Variants in NACA observed in about 807,000 individuals in gnomAD.
The protein encoded by NACA is nascent polypeptide associated complex subunit alpha.
A neutral mutation model predicts 86.4 loss-of-function variants in NACA; 42 were observed. The ratio of observed to expected loss-of-function variants is 0.49; its 90% confidence interval spans 0.38 to 0.63. The LOEUF is 0.63. NACA is among the 20% of genes least tolerant of loss of function. The probability of loss-of-function intolerance (pLI) is 0.00; values close to 1 mark genes in which losing one functional copy is unlikely to be tolerated. For missense variants in NACA, 2,157 were observed against 2,483.6 expected, an observed-to-expected ratio of 0.87 and a Z score of 2.80; for synonymous variants, 898 against 973.7, an observed-to-expected ratio of 0.92 and a Z score of 1.45.
rs773861433 is a variant in NACA, at chr12:56,720,027, C to T, written c.1503G>A (p.Leu501=). ...KEPSTQVATT[L]RIPVSPPLPD... ...GCAGAGGAGGAGAGACTGGTATCCT[C>T]AGAGTGGTTGCTACTTGAGTAGAAG... The change falls in exon 3 of 9, where the codon CTG becomes CTA. Residue 501 remains leucine (L), a synonymous_variant. Transcript: ENST00000454682. 2.5e-6 allele frequency: 4 copies of T among 1,613,820 alleles called. No individual in the cohort carries two copies. The highest frequency in any genetic ancestry group is 1.1e-5 in the South Asian group (1 of 91,076).
Position 56,717,288 on chromosome 12 carries a change from C to A in NACA, c.4242G>T (p.Lys1414Asn). 7.6e-7 allele frequency: 1 copy of A among 1,322,072 alleles called. No homozygotes were observed. The highest frequency in any genetic ancestry group is 9.9e-7 in the Non-Finnish European group (1 of 1,014,744). 81.9% of individuals were successfully genotyped at this position (1,322,072 alleles called of 1,614,324 possible). A position where few individuals can be genotyped will look rare whatever the true frequency, so the allele number is the denominator to read the frequency against. Reference protein sequence around the residue: ...SPAVIPLSPKKAPATPVTREG... With the variant: ...SPAVIPLSPKNAPATPVTREG... ...CTCTGGTGACTGGAGTTGCTGGAGC[C>A]TTTTTGGGGGAGAGAGGAATCACTG... The change falls in exon 3 of 9, where the codon AAG becomes AAT. Residue 1414 changes from lysine (K) to asparagine (N), a missense_variant. Physicochemically the swap from Lys to Asn is moderately conservative, Grantham distance 94 (BLOSUM62 0). Transcript: ENST00000454682.
intron 3 of NACA, 77 bp from the exon 4 acceptor site, chr12:56,714,764 C>T: frequency 1.5e-6 from 2 of 1,349,604 alleles, no homozygotes; most frequent in Non-Finnish European, 2.1e-6. Flanking sequence ...CTGCCCTGGA[C>T]TAGAGGTGAA....
In NACA at chr12:56,717,141, C is replaced by T; in HGVS notation, c.4389G>A (p.Gly1463=). The T allele has an allele frequency of 1.6e-6, 2 of 1,273,898 alleles. No individual in the cohort carries two copies. Among genetic ancestry groups the T allele is most frequent in the Non-Finnish European group, 1.0e-6 (1 of 990,142 alleles). 78.9% of individuals were successfully genotyped at this position (1,273,898 alleles called of 1,614,324 possible). A position where few individuals can be genotyped will look rare whatever the true frequency, so the allele number is the denominator to read the frequency against. Residue 1463 remains glycine (G), a synonymous_variant, in exon 3 of 9, where the codon GGG becomes GGA. Coordinates refer to ENST00000454682, the MANE Select transcript of NACA (RefSeq NM_001365896.1). ...GAGTCACTGCTGGGAGGGTGGGATC[C>T]CCTTTGGAGGATGGGGTAGCTGGGC... ...KGGPATPSSK[G]DPTLPAVTPP...
Position 56,720,891 on chromosome 12 carries a change from AG to A in NACA, c.638del (p.Pro213LeufsTer5), listed in dbSNP as rs1181125596. ...AGGCCATGGGAGTCACACAGTGGTA[AG>A]GAACAGTACTGACTATACATGGAGG... Reference protein sequence around the residue: ...PSPPCIVSTVPYHCVTPMASI... With the variant: ...PSPPCIVSTVXYHCVTPMASI... On this transcript the variant is annotated frameshift_variant, in exon 3 of 9. Coordinates refer to ENST00000454682, the MANE Select transcript of NACA (RefSeq NM_001365896.1). LOFTEE classifies it high-confidence loss of function. 1 of 1,613,894 alleles carries A rather than the reference AG, an allele frequency of 6.2e-7. No individual in the cohort carries two copies. The highest frequency in any genetic ancestry group is 1.3e-5 in the African/African-American group (1 of 74,914).
chr12:56,715,784 G>T, intron 3 of NACA, 87 bp downstream of exon 3: 1 of 1,162,048 alleles, frequency 8.6e-7, no homozygotes, highest in Non-Finnish European at 1.2e-6. Context: ...AGAAAGCGGC[G>T]CATCACAGGG....
rs761157169 is a variant in NACA, at chr12:56,721,393, G to A, written c.137C>T (p.Pro46Leu). 6 of 1,570,256 alleles carry A rather than the reference G, an allele frequency of 3.8e-6. No homozygotes were observed. The South Asian group carries it at 5.9e-5, about 15-fold the overall frequency. The change falls in exon 3 of 9, where the codon CCC becomes CTC. Residue 46 changes from proline to leucine, a missense_variant. Transcript: ENST00000454682. Reference protein sequence around the residue: ...AALGQPGPTLPPPCSPAPQQC... With the variant: ...AALGQPGPTLLPPCSPAPQQC... Reference sequence around the variant, plus strand: ...TTGTGGGGCAGGAGAGCAAGGAGGGGGGAGGGTAGGTCCAGGCTGCCCTAA... The same window carrying A: ...TTGTGGGGCAGGAGAGCAAGGAGGGAGGAGGGTAGGTCCAGGCTGCCCTAA...
intron 3 of NACA, 163 bp from the exon 4 acceptor site, chr12:56,714,850 T>C (rs1387112252): frequency 1.6e-6 from 1 of 642,720 alleles, no homozygotes; most frequent in African/African-American, 1.8e-5. Context: ...GCCCCTAACT[T>C]AGTCACTAAC....
chr12:56,717,415 G>T lies in NACA; in HGVS notation c.4115C>A (p.Pro1372Gln). 1.5e-6 allele frequency: 2 copies of T among 1,378,112 alleles called. No homozygotes were observed. The highest frequency in any genetic ancestry group is 1.9e-6 in the Non-Finnish European group (2 of 1,041,934). 85.4% of individuals were successfully genotyped at this position (1,378,112 alleles called of 1,614,324 possible). Residue 1372 changes from proline (P) to glutamine (Q), a missense_variant, in exon 3 of 9, where the codon CCA (proline) becomes CAA (glutamine). Pro to Gln is a moderately conservative substitution (Grantham distance 76). Around this residue, in one of 8 missense-constraint regions of NACA, gnomAD observed 797 missense variants for 777.6 expected, o/e 1.02. Coordinates refer to ENST00000454682, the MANE Select transcript of NACA (RefSeq NM_001365896.1). ...TCCTTTGTGGGAGGGGGTTGCAGCT[G>T]GGGGAGTGGGGCCCTCTTTGGAGGA... is the stretch of plus-strand genomic sequence containing the variant. ...TPSSKEGPTP[P>Q]AATPSHKGGP...
In NACA at chr12:56,720,856, G is replaced by C. The variant is rs778106392; in HGVS notation, c.674C>G (p.Ser225Cys). The C allele has an allele frequency of 1.2e-6, 2 of 1,613,902 alleles. No homozygotes were observed. Among genetic ancestry groups the C allele is most frequent in the South Asian group, 1.1e-5 (1 of 91,088 alleles). Residue 225 changes from serine (S) to cysteine (C), a missense_variant, in exon 3 of 9, where the codon TCT becomes TGT. Ser to Cys is a moderately radical substitution (Grantham distance 112). Around this residue, in one of 8 missense-constraint regions of NACA, gnomAD observed 947 missense variants for 917.9 expected, o/e 1.03. Transcript: ENST00000454682. The part of the protein sequence containing the change: ...HCVTPMASIQ[S>C]GVASLPQTTP... ...TGTCTGAGGAAGGGAGGCCACTCCA[G>C]ATTGAATAGAGGCCATGGGAGTCAC...
chr12:56,714,693 A>G lies in NACA; in HGVS notation c.5660-6T>C. 2 of 1,613,756 alleles carry G rather than the reference A, an allele frequency of 1.2e-6. No homozygotes were observed. The highest frequency in any genetic ancestry group is 8.5e-7 in the Non-Finnish European group (1 of 1,179,672). On this transcript the variant is annotated splice_polypyrimidine_tract_variant and splice_region_variant and intron_variant, in intron 3 of 8. Transcript: ENST00000454682. ...GTCAGATTCTGTTCCAGACCCTAAG[A>G]TGAGAAACAACTTTTACTGCTTTAT...
In NACA at chr12:56,719,035, T is replaced by G. The variant is rs2137821601; in HGVS notation, c.2495A>C (p.Glu832Ala). ...ACTATTCTCTGGAAGAAATGAAGCT[T>G]CAACTGGAGAAACAGGGGATGAGAG... ...GNLSSPVSPV[E>A]ASFLPENSLS... Residue 832 changes from glutamate to alanine, a missense_variant, in exon 3 of 9, where the codon GAA becomes GCA. Transcript: ENST00000454682. 6.9e-7 allele frequency: 1 copy of G among 1,448,230 alleles called. No homozygotes were observed. Among genetic ancestry groups the G allele is most frequent in the South Asian group, 1.1e-5 (1 of 88,714 alleles). 89.7% of individuals were successfully genotyped at this position (1,448,230 alleles called of 1,614,324 possible).
At chr12:56,723,664 A>G (rs1254731702) in intron 2 of NACA, among the ~76,000 whole-genome samples, 2 of 152,202 alleles carry the variant, frequency 1.3e-5, no homozygotes, top group South Asian at 2.1e-4. Flanking sequence ...ATAACAAATG[A>G]AATTTAAAAA....
chr12:56,713,356 G>T, intron 6 of NACA, 166 bp from the exon 7 acceptor site: 1 of 1,207,310 alleles, frequency 8.3e-7, no homozygotes, highest in Non-Finnish European at 1.1e-6. Flanking sequence ...TAGAGCAGTG[G>T]TTCTCAACTA....
chr12:56,719,822 A>G lies in NACA; in HGVS notation c.1708T>C (p.Ser570Pro), dbSNP rs1953519987. 1.2e-6 allele frequency: 2 copies of G among 1,612,476 alleles called. No individual in the cohort carries two copies. Among genetic ancestry groups the G allele is most frequent in the African/African-American group, 1.3e-5 (1 of 74,366 alleles). The change falls in exon 3 of 9, where the codon TCC (serine) becomes CCC (proline). Residue 570 changes from serine to proline, a missense_variant. Physicochemically the swap from Ser to Pro is moderately conservative, Grantham distance 74. Around this residue, in one of 8 missense-constraint regions of NACA, gnomAD observed 947 missense variants for 917.9 expected, o/e 1.03. Transcript: ENST00000454682. ...LPLVQAAPKN[S>P]PSFQSTSSSP... ...GAGGATGTACTTTGGAAAGAAGGGG[A>G]ATTTTTAGGGGCTGCCTGGACTAAC...
rs1329283953 is a variant in NACA at position 56,716,296 on chromosome 12, G to T, written c.5234C>A (p.Ser1745Tyr). The change falls in exon 3 of 9, where the codon TCT becomes TAT. Residue 1745 changes from serine to tyrosine, a missense_variant. Physicochemically the swap from Ser to Tyr is moderately radical, Grantham distance 144. Coordinates refer to ENST00000454682, the MANE Select transcript of NACA (RefSeq NM_001365896.1). ...PAPLLPVQKD[S>Y]SKTAKGKDAS... ...ATCTTTGCCTTTTGCTGTCTTTGAA[G>T]AGTCTTTCTGAACAGGGAGTAGAGG... 44 of 1,613,016 alleles carry T rather than the reference G, an allele frequency of 2.7e-5. No homozygotes were observed. Among genetic ancestry groups the T allele is most frequent in the Non-Finnish European group, 3.7e-5 (44 of 1,179,818 alleles).
Position 56,717,043 on chromosome 12 carries a change from G to A in NACA, c.4487C>T (p.Thr1496Ile), listed in dbSNP as rs772069946. 1 of 1,275,196 alleles carries A rather than the reference G, an allele frequency of 7.8e-7. No homozygotes were observed. The highest frequency in any genetic ancestry group is 1.7e-5 in the South Asian group (1 of 58,836). 79.0% of individuals were successfully genotyped at this position (1,275,196 alleles called of 1,614,324 possible). ...AGTGGGGGCCCCCATGGGGGCTGGA[G>A]TTGCTGGGGCCTTTTTGGGAGAGGA... ...TSSSPKKAPATPAPMGAPTLP... is the reference protein window; with the variant it reads ...TSSSPKKAPAIPAPMGAPTLP... Residue 1496 changes from threonine to isoleucine, a missense_variant, in exon 3 of 9, where the codon ACT becomes ATT. Physicochemically the swap from Thr to Ile is moderately conservative, Grantham distance 89 (BLOSUM62 -1). This residue lies in a region of NACA where 797 missense variants were observed against 777.6 expected (regional missense o/e 1.02). Coordinates refer to ENST00000454682, the MANE Select transcript of NACA (RefSeq NM_001365896.1).
chr12:56,722,841 C>T (rs1427282579), intron 2 of NACA, among the ~76,000 whole-genome samples: 1 of 125,284 alleles, frequency 8.0e-6, no homozygotes, highest in Non-Finnish European at 1.6e-5. Context: ...CAGGAGGTAA[C>T]ACAGAATTGG....
At position 56,720,402 on chromosome 12, in the gene NACA, C is replaced by G. The variant is rs754331688; in HGVS notation, c.1128G>C (p.Val376=). 201 of 1,613,748 alleles carry G rather than the reference C, an allele frequency of 1.2e-4. No homozygotes were observed. Among genetic ancestry groups the G allele is most frequent in the Non-Finnish European group, 1.7e-4 (195 of 1,179,842 alleles). The change falls in exon 3 of 9, where the codon GTG becomes GTC. Residue 376 remains valine (V), a synonymous_variant. Coordinates refer to ENST00000454682, the MANE Select transcript of NACA (RefSeq NM_001365896.1). ...GACCTTTGTCAACAGATGGAGCCACCACTGGAAAGGCAGCCACAGTAGCAG... is the reference window on the plus strand; with the variant it reads ...GACCTTTGTCAACAGATGGAGCCACGACTGGAAAGGCAGCCACAGTAGCAG... ...VVPATVAAFP[V]VAPSVDKGPS... is the part of the protein sequence containing the mutation.
rs1440774730 is a variant in NACA at position 56,718,890 on chromosome 12, T to C, written c.2640A>G (p.Leu880=). 11 of 1,405,290 alleles carry C rather than the reference T, an allele frequency of 7.8e-6. 1 individual carries two copies. Among genetic ancestry groups the C allele is most frequent in the Middle Eastern group, 2.0e-4 (1 of 4,984 alleles). 87.1% of individuals were successfully genotyped at this position (1,405,290 alleles called of 1,614,324 possible). The change falls in exon 3 of 9, where the codon CTA becomes CTG. Residue 880 remains leucine (L), a synonymous_variant. Coordinates refer to ENST00000454682, the MANE Select transcript of NACA (RefSeq NM_001365896.1). ...VTPLSPKGVT[L]PPKETPTPSV... ...AAGGAGTGGGGGTCTCTTTGGGGGG[T>C]AGTGTTACTCCTTTGGGAGACAGAG...
Sources: gnomAD v4.1 joint callset for allele counts (sites outside exome capture counted in the v4.1 genomes callset) on GRCh38, gnomAD v4.1.1 for gene constraint, gnomAD v4.1.1 regional missense constraint, MANE v1.5 for transcripts, NCBI Gene and HGNC (gene_info 2026-07-23, HGNC 2026-07-21) for gene names.